EYS: variants seen among roughly 807,000 people sequenced by gnomAD.
EYS encodes the protein EGF-like photoreceptor maintenance factor.
Under a neutral mutation model 282.1 loss-of-function variants are expected in EYS, and 250 were observed. The observed-to-expected ratio is 0.89, with a 90% CI of 0.80 to 0.98. The LOEUF is 0.98. Among genes scored for constraint, EYS ranks in the 50% least tolerant of loss-of-function variants. The pLI, the probability that EYS is intolerant of heterozygous loss-of-function variation, is 0.00. For synonymous variants in EYS, 1,355 were observed against 1,282.9 expected, an observed-to-expected ratio of 1.06 and a Z score of -1.20; for missense variants, 4,016 against 3,709.0, an observed-to-expected ratio of 1.08 and a Z score of -2.15.
intron 13 of EYS, among the ~76,000 whole-genome samples, chr6:65,029,545 T>C (rs1772532413): frequency 1.3e-5 from 2 of 152,088 alleles, no homozygotes; most frequent in Non-Finnish European, 2.9e-5. Context: ...TGCCTGCCTC[T>C]CCTGCCTCCC....
At chr6:64,147,538 C>A (rs886539634) in intron 31 of EYS, among the ~76,000 whole-genome samples, 1 of 152,156 alleles carries the variant, frequency 6.6e-6, no homozygotes, top group African/African-American at 2.4e-5. Flanking sequence ...GAGGCTATTA[C>A]ATAGATGAGG....
intron 9 of EYS, among the ~76,000 whole-genome samples, chr6:65,348,752 T>C (rs1416217068): frequency 1.3e-5 from 2 of 151,752 alleles, no homozygotes; most frequent in African/African-American, 2.4e-5. Flanking sequence ...GTTTGATTAC[T>C]AGTGCTTGTG....
chr6:63,879,098 C>G (rs1291408634), intron 35 of EYS, among the ~76,000 whole-genome samples: 1 of 152,094 alleles, frequency 6.6e-6, no homozygotes, highest in Non-Finnish European at 1.5e-5. Flanking sequence ...GGAACCTCCC[C>G]CTATTTCAGG....
intron 26 of EYS, among the ~76,000 whole-genome samples, chr6:64,449,305 A>G (rs930700926): frequency 1.1e-4 from 16 of 151,172 alleles, no homozygotes; most frequent in Non-Finnish European, 2.1e-4. Context: ...AAGGTTAGAG[A>G]AAAAAAAATA....
intron 2 of EYS, among the ~76,000 whole-genome samples, chr6:65,618,069 G>C (rs1465684785): frequency 3.9e-5 from 6 of 152,192 alleles, no homozygotes; most frequent in Admixed American, 3.9e-4. Flanking sequence ...TATATACCCA[G>C]TAATGGGATG....
At chr6:65,468,655 A>G (rs1562203308) in intron 5 of EYS, among the ~76,000 whole-genome samples, 1 of 151,928 alleles carries the variant, frequency 6.6e-6, no homozygotes, top group Admixed American at 6.6e-5. Context: ...AACAAAAGTT[A>G]CCTATTAAGG....
chr6:64,541,770 T>C (rs761801617), intron 26 of EYS, among the ~76,000 whole-genome samples: 5 of 152,180 alleles, frequency 3.3e-5, no homozygotes, highest in Non-Finnish European at 5.9e-5. Flanking sequence ...TAAATGGGGA[T>C]TAAAAATGCC....
At chr6:65,160,222 C>T (rs1476849870) in intron 12 of EYS, among the ~76,000 whole-genome samples, 3 of 150,788 alleles carry the variant, frequency 2.0e-5, no homozygotes, top group African/African-American at 7.3e-5. Context: ...GGTTGTTATT[C>T]TCTGGTCATG....
Position 65,703,207 on chromosome 6 carries a change from T to C in EYS, c.-448+3928A>G, listed in dbSNP as rs538907196. Among the ~76,000 whole-genome samples, 757 of 152,226 alleles carry C rather than the reference T, an allele frequency of 5.0e-3. 6 individuals carry two copies. The highest frequency in any genetic ancestry group is 0.017 in the African/African-American group (714 of 41,534). On this transcript the variant is annotated intron_variant, in intron 1 of 42. Coordinates refer to ENST00000503581, the MANE Select transcript of EYS (RefSeq NM_001142800.2). ...TCTGTCTCTCCTCTATCTCTCTCTC[T>C]CTATATATATACTGTTACTCTCTCT...
At chr6:65,490,978 A>G (rs1766022826) in intron 4 of EYS, among the ~76,000 whole-genome samples, 1 of 152,050 alleles carries the variant, frequency 6.6e-6, no homozygotes, top group Non-Finnish European at 1.5e-5. Context: ...TAATATTTTA[A>G]AATTTTAATT....
chr6:64,203,514 A>T (rs1043818837), intron 31 of EYS, among the ~76,000 whole-genome samples: 4 of 152,174 alleles, frequency 2.6e-5, no homozygotes, highest in African/African-American at 9.7e-5. Context: ...TACAGCATCC[A>T]CTAGACTAAT....
intron 33 of EYS, among the ~76,000 whole-genome samples, chr6:64,000,875 C>A (rs573277149): frequency 6.6e-6 from 1 of 152,052 alleles, no homozygotes; most frequent in Non-Finnish European, 1.5e-5. Flanking sequence ...TGGCCAGGCG[C>A]GGTGGCTCAG....
rs146435039 is a variant in EYS, at chr6:65,008,489, A to G, written c.2138-10786T>C. 1.5e-3 allele frequency among the ~76,000 whole-genome samples: 224 copies of G among 152,308 alleles called. 2 individuals carry two copies. The highest frequency in any genetic ancestry group is 5.0e-3 in the African/African-American group (206 of 41,548). The stretch of plus-strand genomic sequence containing the variant: ...AAAAAAAAAGGCTACCGCTTTAGTC[A>G]TGGCCCTCAGGCAAGCGGACTTCGG... On this transcript the variant is annotated intron_variant, in intron 13 of 42. Coordinates refer to ENST00000503581, the MANE Select transcript of EYS (RefSeq NM_001142800.2).
rs78008788 is a variant in EYS, at chr6:64,378,563, G to A, written c.6078+10127C>T. 8.2e-3 allele frequency among the ~76,000 whole-genome samples: 1,246 copies of A among 152,078 alleles called. 19 individuals are homozygous for A. The highest frequency in any genetic ancestry group is 0.049 in the East Asian group (254 of 5,164). On this transcript the variant is annotated intron_variant, in intron 29 of 42. Transcript: ENST00000503581. ...AGTAGAATGAAATATCAATGCTGGG[G>A]GGAAACTTAAAATAATAGTAAAGGA...
intron 12 of EYS, among the ~76,000 whole-genome samples, chr6:65,123,647 T>A (rs1238394081): frequency 1.3e-5 from 2 of 152,066 alleles, no homozygotes; most frequent in African/African-American, 4.8e-5. Flanking sequence ...GTTTATTACT[T>A]AATGTTATGT....
Position 65,384,531 on chromosome 6 carries a change from T to A in EYS, c.1185-31A>T, listed in dbSNP as rs541632305. 207 of 1,089,212 alleles carry A rather than the reference T, an allele frequency of 1.9e-4. 4 individuals are homozygous for A. The South Asian group carries it at 2.1e-3, about 11-fold the overall frequency. 67.5% of individuals were successfully genotyped at this position (1,089,212 alleles called of 1,614,324 possible). On this transcript the variant is annotated intron_variant, in intron 7 of 42. Coordinates refer to ENST00000503581, the MANE Select transcript of EYS (RefSeq NM_001142800.2). ...AATACATCAGTGTAAATTAGAAAAA[T>A]TATAATTTAAATGTTTTCAGAAAAG...
At chr6:64,529,077 C>T (rs1255954897) in intron 26 of EYS, among the ~76,000 whole-genome samples, 1 of 151,988 alleles carries the variant, frequency 6.6e-6, no homozygotes, top group Non-Finnish European at 1.5e-5. Flanking sequence ...AAACACTACA[C>T]AGAACCAGTG....
intron 7 of EYS, among the ~76,000 whole-genome samples, chr6:65,401,374 T>C (rs1018460274): frequency 2.6e-5 from 4 of 151,376 alleles, no homozygotes; most frequent in Non-Finnish European, 4.4e-5. Flanking sequence ...GTCAGTTTTA[T>C]GTTTGGGGAG....
At chr6:65,595,967 C>T (rs1298891564) in intron 2 of EYS, among the ~76,000 whole-genome samples, 2 of 152,072 alleles carry the variant, frequency 1.3e-5, no homozygotes, top group Non-Finnish European at 2.9e-5. Context: ...CTTCAACCCC[C>T]TATCTCAGTG....
Sources: gnomAD v4.1 joint callset for allele counts (sites outside exome capture counted in the v4.1 genomes callset) on GRCh38, gnomAD v4.1.1 for gene constraint, MANE v1.5 for transcripts, NCBI Gene and HGNC (gene_info 2026-07-23, HGNC 2026-07-21) for gene names.